Variants in RNLS observed in about 807,000 individuals in gnomAD.
RNLS encodes renalase.
Under a neutral mutation model 39.8 loss-of-function variants are expected in RNLS, and 39 were observed. That is an observed-to-expected ratio of 0.98 (90% CI 0.76 to 1.28). The LOEUF is 1.28. Among genes scored for constraint, RNLS ranks in the 50% most tolerant of loss-of-function variants. The pLI is 0.00. For synonymous variants in RNLS, 147 were observed against 150.7 expected, an observed-to-expected ratio of 0.98 and a Z score of 0.18; for missense variants, 410 against 413.3, an observed-to-expected ratio of 0.99 and a Z score of 0.07.
chr10:88,501,759 A>G (rs1277814970), intron 4 of RNLS, among the ~76,000 whole-genome samples: 1 of 152,198 alleles, frequency 6.6e-6, no homozygotes, highest in Non-Finnish European at 1.5e-5. Flanking sequence ...AACAATTTTC[A>G]GCACTTGCCA....
intron 4 of RNLS, among the ~76,000 whole-genome samples, chr10:88,454,480 T>C (rs1009758159): frequency 6.6e-6 from 1 of 152,258 alleles, no homozygotes; most frequent in African/African-American, 2.4e-5. Flanking sequence ...CTTTGTTCTT[T>C]AGGAGTCCAC....
At chr10:88,375,077 C>T (rs1224032614) in intron 4 of RNLS, among the ~76,000 whole-genome samples, 1 of 152,144 alleles carries the variant, frequency 6.6e-6, no homozygotes, top group East Asian at 1.9e-4. Context: ...CTCTCTCTTC[C>T]TCTTCAATTT....
In RNLS at chr10:88,285,451, A is replaced by T; in HGVS notation, c.932T>A (p.Phe311Tyr). 6.2e-7 allele frequency: 1 copy of T among 1,613,326 alleles called. No individual in the cohort carries two copies. The highest frequency in any genetic ancestry group is 1.1e-5 in the South Asian group (1 of 91,056). Residue 311 changes from phenylalanine to tyrosine, a missense_variant, in exon 7 of 7, where the codon TTC becomes TAC. By Grantham distance (22) the Phe-to-Tyr change is conservative. Transcript: ENST00000331772. ...AAATCCATCCCCTCCACATGCAAGG[A>T]AAGGTTTGTGATGCAGAGTCATTTG... ...PGQMTLHHKP[F>Y]LACGGDGFTQ... is the part of the protein sequence containing the mutation.
the RNLS span, among the ~76,000 whole-genome samples, chr10:88,239,198 T>G: frequency 1.3e-5 from 2 of 152,162 alleles, no homozygotes; most frequent in Non-Finnish European, 2.9e-5. Context: ...GGCCAGCACA[T>G]GTCGAGGCCT....
At chr10:88,323,957 A>G (rs1846372818) in intron 5 of RNLS, among the ~76,000 whole-genome samples, 1 of 152,170 alleles carries the variant, frequency 6.6e-6, no homozygotes, top group African/African-American at 2.4e-5. Flanking sequence ...AAGACATACA[A>G]GCAACCAACA....
intron 4 of RNLS, among the ~76,000 whole-genome samples, chr10:88,385,764 C>T (rs936960834): frequency 6.6e-6 from 1 of 152,138 alleles, no homozygotes; most frequent in Admixed American, 6.6e-5. Context: ...CTCTTTGTCA[C>T]GGTGCCCCTG....
chr10:88,269,719 G>A (rs555377210), downstream of RNLS, among the ~76,000 whole-genome samples: 2 of 152,300 alleles, frequency 1.3e-5, no homozygotes, highest in Non-Finnish European at 2.9e-5. Flanking sequence ...GGCCTTAGAG[G>A]AATACAATGT....
intron 4 of RNLS, among the ~76,000 whole-genome samples, chr10:88,546,383 T>G (rs1848314774): frequency 6.6e-6 from 1 of 152,042 alleles, no homozygotes; most frequent in African/African-American, 2.4e-5. Flanking sequence ...GATCTTTCCA[T>G]CTGCTTGAAC....
chr10:88,573,117 G>T lies in RNLS; in HGVS notation c.368-56C>A, dbSNP rs537129177. 2.3e-5 allele frequency: 35 copies of T among 1,548,088 alleles called. No homozygotes were observed. The South Asian group carries it at 3.1e-4, about 14-fold the overall frequency. On this transcript the variant is annotated intron_variant, in intron 3 of 6. Transcript: ENST00000331772. Reference sequence around the variant, plus strand: ...ATCAGAATTGCATATATGAATAAAGGGGATGTGAGTAGTCACAAACTGAAT... The same window carrying T: ...ATCAGAATTGCATATATGAATAAAGTGGATGTGAGTAGTCACAAACTGAAT...
intron 6 of RNLS, among the ~76,000 whole-genome samples, chr10:88,300,003 T>C (rs1237666825): frequency 1.3e-5 from 2 of 152,206 alleles, no homozygotes; most frequent in Admixed American, 6.5e-5. Context: ...AAAAGAATGA[T>C]ATAAGAAGGT....
At chr10:88,395,005 T>A (rs955371267) in intron 4 of RNLS, among the ~76,000 whole-genome samples, 2 of 151,824 alleles carry the variant, frequency 1.3e-5, no homozygotes, top group African/African-American at 4.8e-5. Context: ...AGAACACATG[T>A]ACACAGGAAG....
chr10:88,361,212 T>C lies in RNLS; in HGVS notation c.700+1340A>G, dbSNP rs1187396141. The stretch of plus-strand genomic sequence containing the variant: ...AGGGCGCTACCTTTAGGACCTCATT[T>C]AATCTTAATTACCTCCTAAAAGTCC... On this transcript the variant is annotated intron_variant, in intron 5 of 6. Coordinates refer to ENST00000331772, the MANE Select transcript of RNLS (RefSeq NM_001031709.3). Among the ~76,000 whole-genome samples, 4 of 152,246 alleles carry C rather than the reference T, an allele frequency of 2.6e-5. No individual in the cohort carries two copies. The East Asian group carries it at 7.7e-4, about 29-fold the overall frequency.
At chr10:88,175,989 C>G in the RNLS span, among the ~76,000 whole-genome samples, 1 of 151,994 alleles carries the variant, frequency 6.6e-6, no homozygotes, top group Non-Finnish European at 1.5e-5. Flanking sequence ...CATTGACCTT[C>G]TTTGTCTCTT....
chr10:88,442,464 T>A (rs1357925039), intron 4 of RNLS, among the ~76,000 whole-genome samples: 1 of 152,248 alleles, frequency 6.6e-6, no homozygotes, highest in Non-Finnish European at 1.5e-5. Context: ...TCCACTTTTG[T>A]TTCTTGTTAA....
intron 4 of RNLS, among the ~76,000 whole-genome samples, chr10:88,403,474 A>G (rs1853064068): frequency 6.6e-6 from 1 of 152,104 alleles, no homozygotes; most frequent in Admixed American, 6.6e-5. Context: ...AAATATTTAC[A>G]GATGAAATAA....
chr10:88,232,344 G>A, the RNLS span, among the ~76,000 whole-genome samples: 137 of 152,274 alleles, frequency 9.0e-4, no homozygotes, highest in African/African-American at 3.1e-3. Context: ...CAGACACATG[G>A]CCACTACACC....
intron 4 of RNLS, among the ~76,000 whole-genome samples, chr10:88,486,603 TA>T (rs1844540163): frequency 6.6e-6 from 1 of 151,898 alleles, no homozygotes; most frequent in African/African-American, 2.4e-5. Flanking sequence ...ACAAGCATAT[TA>T]AAAAAAGCTC....
At chr10:88,484,765 T>C (rs1844392971) in intron 4 of RNLS, among the ~76,000 whole-genome samples, 1 of 151,956 alleles carries the variant, frequency 6.6e-6, no homozygotes, top group African/African-American at 2.4e-5. Context: ...TAGAGGTAAA[T>C]AGCACACCCT....
chr10:88,540,575 T>C (rs1847985650), intron 4 of RNLS, among the ~76,000 whole-genome samples: 1 of 152,136 alleles, frequency 6.6e-6, no homozygotes, highest in South Asian at 2.1e-4. Context: ...GTGAAGTAGG[T>C]GTGTATCACA....
Sources: allele counts gnomAD v4.1 joint callset (sites outside exome capture counted in the v4.1 genomes callset), GRCh38; gene constraint gnomAD v4.1.1; transcripts MANE v1.5; gene names NCBI Gene and HGNC (gene_info 2026-07-23, HGNC 2026-07-21).